The following PRKN variants were observed in gnomAD, a reference collection of about 807,000 sequenced individuals.
PRKN encodes the protein E3 ubiquitin-protein ligase parkin.
In PRKN, 56 loss-of-function variants were observed where a neutral mutation model predicts 59.5. That is an observed-to-expected ratio of 0.94 (90% CI 0.76 to 1.18). PRKN has a LOEUF of 1.18. Among genes scored for constraint, PRKN ranks in the 50% most tolerant of loss-of-function variants. PRKN has a pLI of 0.00. For missense variants in PRKN, 657 were observed against 596.4 expected, an observed-to-expected ratio of 1.10 and a Z score of -1.06; for synonymous variants, 250 against 222.1, an observed-to-expected ratio of 1.13 and a Z score of -1.12.
At chr6:162,412,044 A>G (rs750746832) in intron 2 of PRKN, among the ~76,000 whole-genome samples, 1 of 152,116 alleles carries the variant, frequency 6.6e-6, no homozygotes, top group Non-Finnish European at 1.5e-5. Context: ...CTGATCTGGA[A>G]AACAACAATC....
At chr6:162,188,696 A>G (rs1287603797) in intron 4 of PRKN, among the ~76,000 whole-genome samples, 1 of 149,728 alleles carries the variant, frequency 6.7e-6, no homozygotes, top group African/African-American at 2.6e-5. Context: ...AGTTTAATAC[A>G]GAAGGAAAGC....
intron 4 of PRKN, among the ~76,000 whole-genome samples, chr6:162,066,295 C>T (rs982145726): frequency 1.1e-4 from 16 of 152,168 alleles, no homozygotes; most frequent in African/African-American, 3.4e-4. Flanking sequence ...CAAGTCAACA[C>T]CTAATACTAA....
chr6:161,773,531 A>T (rs1373208385), intron 7 of PRKN, among the ~76,000 whole-genome samples: 3 of 134,222 alleles, frequency 2.2e-5, no homozygotes, highest in African/African-American at 8.5e-5. Context: ...CACTACACAA[A>T]CACACACTAA....
At chr6:161,915,975 T>G (rs1370050944) in intron 6 of PRKN, among the ~76,000 whole-genome samples, 2 of 152,060 alleles carry the variant, frequency 1.3e-5, no homozygotes, top group Admixed American at 1.3e-4. Context: ...AAACAACCAT[T>G]GATAAATTTA....
intron 6 of PRKN, among the ~76,000 whole-genome samples, chr6:161,914,567 A>T (rs1174655624): frequency 6.6e-6 from 1 of 152,100 alleles, no homozygotes; most frequent in Admixed American, 6.6e-5. Flanking sequence ...AGAAAAAAAA[A>T]TTGTGAAATG....
chr6:162,612,843 CA>C (rs1424579154), intron 1 of PRKN, among the ~76,000 whole-genome samples: 3 of 152,084 alleles, frequency 2.0e-5, no homozygotes, highest in Non-Finnish European at 4.4e-5. Context: ...GCTTCTGGCC[CA>C]CAGAGGGCAC....
intron 2 of PRKN, among the ~76,000 whole-genome samples, chr6:162,360,374 C>T (rs945804993): frequency 6.6e-6 from 1 of 152,124 alleles, no homozygotes; most frequent in African/African-American, 2.4e-5. Context: ...CATCCCCTAA[C>T]ATTTGCATTT....
chr6:161,800,248 A>G (rs1791024273), intron 6 of PRKN, among the ~76,000 whole-genome samples: 1 of 152,112 alleles, frequency 6.6e-6, no homozygotes, highest in Non-Finnish European at 1.5e-5. Context: ...CGACAGGTAG[A>G]CAATATGTTT....
At chr6:161,710,926 C>G (rs1445770901) in intron 7 of PRKN, among the ~76,000 whole-genome samples, 1 of 79,622 alleles carries the variant, frequency 1.3e-5, no homozygotes, top group Non-Finnish European at 2.4e-5. Flanking sequence ...TCCTTCCTCA[C>G]CCCTTCCTTC....
rs115433875 is a variant in PRKN at position 162,099,168 on chromosome 6, C to G, written c.535-44994G>C. 3.8e-3 allele frequency among the ~76,000 whole-genome samples: 575 copies of G among 152,280 alleles called. 3 individuals are homozygous for G. Among genetic ancestry groups the G allele is most frequent in the African/African-American group, 0.013 (543 of 41,560 alleles). Reference sequence around the variant, plus strand: ...ACCGTTGAAATTCCTTTAAATTCAGCTTGAGGTTCCCATGGAATCACCTCT... The same window carrying G: ...ACCGTTGAAATTCCTTTAAATTCAGGTTGAGGTTCCCATGGAATCACCTCT... On this transcript the variant is annotated intron_variant, in intron 4 of 11. Transcript: ENST00000366898.
chr6:162,186,049 T>G (rs1422026285), intron 4 of PRKN, among the ~76,000 whole-genome samples: 1 of 152,110 alleles, frequency 6.6e-6, no homozygotes, highest in African/African-American at 2.4e-5. Context: ...CTGTGAACCT[T>G]GTATAGTTTT....
Position 162,056,515 on chromosome 6 carries a change from G to A in PRKN, c.535-2341C>T, listed in dbSNP as rs1247679440. Among the ~76,000 whole-genome samples the A allele has an allele frequency of 6.6e-6, 1 of 152,150 alleles. No individual in the cohort carries two copies. Among genetic ancestry groups the A allele is most frequent in the African/African-American group, 2.4e-5 (1 of 41,434 alleles). ...AGACTTCAAAAGGAGCTGCATCTGG[G>A]ATCCACCGATCATTAATCCAAAGGC... On this transcript the variant is annotated intron_variant, in intron 4 of 11. Coordinates refer to ENST00000366898, the MANE Select transcript of PRKN (RefSeq NM_004562.3). The surrounding 1 kb of genome is among the most constrained non-coding windows in gnomAD (Gnocchi z 4.9).
intron 1 of PRKN, among the ~76,000 whole-genome samples, chr6:162,699,270 G>T (rs1778070380): frequency 6.6e-6 from 1 of 151,842 alleles, no homozygotes; most frequent in South Asian, 2.1e-4. Context: ...TTATTGAAAA[G>T]AAAAAAAGAC....
chr6:162,128,469 G>A (rs904372846), intron 4 of PRKN, among the ~76,000 whole-genome samples: 2 of 152,076 alleles, frequency 1.3e-5, no homozygotes, highest in African/African-American at 4.8e-5. Context: ...AAGTGAGAGA[G>A]ATGGGAAAGA....
intron 1 of PRKN, among the ~76,000 whole-genome samples, chr6:162,515,346 G>A (rs1777801747): frequency 6.6e-6 from 1 of 152,112 alleles, no homozygotes; most frequent in Non-Finnish European, 1.5e-5. Flanking sequence ...GCCTTCCAGA[G>A]TGGTGGGATT....
At chr6:161,375,686 G>A (rs1391308403) in intron 10 of PRKN, among the ~76,000 whole-genome samples, 2 of 152,116 alleles carry the variant, frequency 1.3e-5, no homozygotes, top group African/African-American at 2.4e-5. Context: ...GGCCTTTGAC[G>A]ACCTGCCAAG....
At chr6:162,028,393 C>T (rs537851077) in intron 5 of PRKN, among the ~76,000 whole-genome samples, 43 of 152,120 alleles carry the variant, frequency 2.8e-4, no homozygotes, top group Non-Finnish European at 4.9e-4. Context: ...TGCTCTGAAA[C>T]GGAGAGGTTT....
intron 9 of PRKN, among the ~76,000 whole-genome samples, chr6:161,521,266 C>A (rs1778813296): frequency 6.6e-6 from 1 of 152,194 alleles, no homozygotes; most frequent in African/African-American, 2.4e-5. Context: ...CATTTGCCTA[C>A]ATATATTCAT....
intron 1 of PRKN, among the ~76,000 whole-genome samples, chr6:162,704,973 T>C (rs1186236682): frequency 6.6e-6 from 1 of 152,200 alleles, no homozygotes; most frequent in Non-Finnish European, 1.5e-5. Context: ...ATATAAGAAG[T>C]GTAGCTTCAA....
Sources: gnomAD v4.1 joint callset for allele counts (sites outside exome capture counted in the v4.1 genomes callset) on GRCh38, gnomAD v4.1.1 for gene constraint, Gnocchi (gnomAD v3.1) non-coding constraint, MANE v1.5 for transcripts, NCBI Gene and HGNC (gene_info 2026-07-23, HGNC 2026-07-21) for gene names.